Variants in TSPAN9 observed in about 807,000 individuals in gnomAD.
TSPAN9 encodes tetraspanin-9.
A neutral mutation model predicts 31.0 loss-of-function variants in TSPAN9; 16 were observed. The observed-to-expected ratio is 0.52, with a 90% CI of 0.35 to 0.78. TSPAN9 has a LOEUF of 0.78. Among genes scored for constraint, TSPAN9 ranks in the 30% least tolerant of loss-of-function variants. The probability of loss-of-function intolerance (pLI) is 0.01; values close to 1 mark genes in which losing one functional copy is unlikely to be tolerated. For synonymous variants in TSPAN9, 145 were observed against 121.6 expected, an observed-to-expected ratio of 1.19 and a Z score of -1.27; for missense variants, 272 against 312.5, an observed-to-expected ratio of 0.87 and a Z score of 0.98.
chr12:3,216,963 C>T (rs2098381729), intron 3 of TSPAN9, among the ~76,000 whole-genome samples: 1 of 152,226 alleles, frequency 6.6e-6, no homozygotes, highest in South Asian at 2.1e-4. Flanking sequence ...GGAAGCTGAG[C>T]CTCCTGAGTA....
chr12:3,206,473 C>G, intron 3 of TSPAN9: 1 of 394,296 alleles, frequency 2.5e-6, no homozygotes, highest in Admixed American at 2.5e-5. Flanking sequence ...GCCCTGGTGG[C>G]CTGACTTGTC....
At chr12:3,281,670 G>A (rs1270771030) in intron 7 of TSPAN9, 64 bp from the exon 8 acceptor site, 2 of 1,540,830 alleles carry the variant, frequency 1.3e-6, no homozygotes, top group East Asian at 4.5e-5. Flanking sequence ...AGTGAGCTGG[G>A]GGCTGGGCTG....
At chr12:3,222,491 AC>A (rs2098385096) in intron 3 of TSPAN9, among the ~76,000 whole-genome samples, 1 of 152,132 alleles carries the variant, frequency 6.6e-6, no homozygotes. Context: ...CACCCCTGGC[AC>A]CCCATGGCAC....
At chr12:3,163,427 A>G (rs1031381378) in intron 2 of TSPAN9, among the ~76,000 whole-genome samples, 2 of 152,196 alleles carry the variant, frequency 1.3e-5, no homozygotes, top group East Asian at 1.9e-4. Context: ...AACACCCTGT[A>G]TAGGGCAGGG....
intron 3 of TSPAN9, among the ~76,000 whole-genome samples, chr12:3,243,454 C>T (rs892346527): frequency 1.3e-5 from 2 of 152,204 alleles, no homozygotes; most frequent in Non-Finnish European, 2.9e-5. Context: ...TTGTGGTGCA[C>T]CAGCTCTGTC....
At chr12:3,256,305 G>A (rs982560277) in intron 3 of TSPAN9, among the ~76,000 whole-genome samples, 26 of 152,236 alleles carry the variant, frequency 1.7e-4, no homozygotes, top group African/African-American at 5.5e-4. Context: ...GGGCCCCGCT[G>A]AGCGCAGCAC....
chr12:3,235,217 A>AATATATATATATATAT (rs59628415), intron 3 of TSPAN9, among the ~76,000 whole-genome samples: 1 of 22,880 alleles, frequency 4.4e-5, no homozygotes. Context: ...AAAAAAAAAA[A>AATATATATATATATAT]ATATATATAT....
chr12:3,099,040 A>G (rs1008006327), intron 2 of TSPAN9, among the ~76,000 whole-genome samples: 5 of 152,194 alleles, frequency 3.3e-5, no homozygotes, highest in African/African-American at 1.2e-4. Flanking sequence ...GGTGTGAGCC[A>G]TGGTGCCTGG....
chr12:3,109,129 G>A (rs976407875), intron 2 of TSPAN9, among the ~76,000 whole-genome samples: 3 of 151,790 alleles, frequency 2.0e-5, no homozygotes, highest in Admixed American at 6.6e-5. Context: ...TAGAGACGGG[G>A]GTTTCACCGT....
chr12:3,176,099 G>C (rs1162415963), intron 2 of TSPAN9, among the ~76,000 whole-genome samples: 2 of 152,240 alleles, frequency 1.3e-5, no homozygotes, highest in African/African-American at 2.4e-5. Context: ...ACGCGCTTCT[G>C]TTCCCTGGCT....
At chr12:3,127,994 A>G (rs897710974) in intron 2 of TSPAN9, among the ~76,000 whole-genome samples, 17 of 152,192 alleles carry the variant, frequency 1.1e-4, no homozygotes, top group African/African-American at 4.1e-4. Flanking sequence ...CACACACGTC[A>G]AGACTGTGTG....
rs186107532 is a variant in TSPAN9, at chr12:3,111,888, C to T, written c.-18+28169C>T. ...TGGCCTCCCAAGGTGCTGGGATTAC[C>T]GGCTTCAGCCACTGCACTCAGCTGC... On this transcript the variant is annotated intron_variant, in intron 2 of 8. Coordinates refer to ENST00000011898, the MANE Select transcript of TSPAN9 (RefSeq NM_006675.5). 3.7e-4 allele frequency among the ~76,000 whole-genome samples: 56 copies of T among 151,982 alleles called. No individual in the cohort carries two copies. The East Asian group carries it at 7.8e-3, about 21-fold the overall frequency.
rs1011857852 is a variant in TSPAN9 at position 3,230,026 on chromosome 12, C to G, written c.63+28770C>G. 2.0e-5 allele frequency among the ~76,000 whole-genome samples: 3 copies of G among 151,888 alleles called. No homozygotes were observed. The South Asian group carries it at 6.3e-4, about 32-fold the overall frequency. On this transcript the variant is annotated intron_variant, in intron 3 of 8. Transcript: ENST00000011898. Reference sequence around the variant, plus strand: ...AGCACAACGGAGCAGTGTGTAGATACTTTTCTTTTTCTTTGTTTATTCCCC... The same window carrying G: ...AGCACAACGGAGCAGTGTGTAGATAGTTTTCTTTTTCTTTGTTTATTCCCC...
At chr12:3,141,354 C>T (rs978591474) in intron 2 of TSPAN9, among the ~76,000 whole-genome samples, 6 of 152,180 alleles carry the variant, frequency 3.9e-5, no homozygotes, top group African/African-American at 1.4e-4. Flanking sequence ...AGTGGCTTTT[C>T]CAGCCTGTTC....
chr12:3,158,144 C>T (rs568585741), intron 2 of TSPAN9, among the ~76,000 whole-genome samples: 8 of 152,302 alleles, frequency 5.3e-5, no homozygotes, highest in Admixed American at 2.0e-4. Context: ...AATCTGAGGG[C>T]TCCCCTCGGA....
At chr12:3,103,497 C>T (rs1029947100) in intron 2 of TSPAN9, among the ~76,000 whole-genome samples, 3 of 152,196 alleles carry the variant, frequency 2.0e-5, no homozygotes, top group African/African-American at 7.2e-5. Context: ...GACGTGCCCA[C>T]CTGGGGACCT....
At chr12:3,206,326 G>A in intron 3 of TSPAN9, 1 of 456,090 alleles carries the variant, frequency 2.2e-6, no homozygotes, top group Non-Finnish European at 4.4e-6. Flanking sequence ...GCAGAGGGCG[G>A]ATCAGTTTTC....
At chr12:3,212,348 A>G (rs918376939) in intron 3 of TSPAN9, among the ~76,000 whole-genome samples, 7 of 152,216 alleles carry the variant, frequency 4.6e-5, no homozygotes, top group African/African-American at 1.2e-4. Context: ...ATATTTCACC[A>G]TACATTAGGT....
intron 3 of TSPAN9, among the ~76,000 whole-genome samples, chr12:3,219,326 A>T (rs1350499356): frequency 6.6e-6 from 1 of 152,186 alleles, no homozygotes; most frequent in Non-Finnish European, 1.5e-5. Flanking sequence ...TCCTAGCACA[A>T]CACTCAAGGA....
Sources: allele counts gnomAD v4.1 joint callset (sites outside exome capture counted in the v4.1 genomes callset), GRCh38; gene constraint gnomAD v4.1.1; transcripts MANE v1.5; gene names NCBI Gene and HGNC (gene_info 2026-07-23, HGNC 2026-07-21).